The following DUSP12 variants were observed in gnomAD, a reference collection of about 807,000 sequenced individuals.
DUSP12 encodes the protein dual specificity phosphatase 12.
DUSP12 carries 25 observed loss-of-function variants against 38.9 expected under a neutral mutation model. The observed-to-expected ratio is 0.64, with a 90% CI of 0.47 to 0.90. DUSP12 has a LOEUF of 0.90. Among genes scored for constraint, DUSP12 ranks in the 40% least tolerant of loss-of-function variants. DUSP12 has a pLI of 0.00. For synonymous variants in DUSP12, 153 were observed against 153.9 expected (o/e 0.99, Z 0.05); for missense variants, 403 against 427.0 (o/e 0.94, Z 0.50).
At chr1:161,752,514 A>C in intron 4 of DUSP12, 50 bp downstream of exon 4, 1 of 1,224,370 alleles carries the variant, frequency 8.2e-7, no homozygotes, top group Non-Finnish European at 1.2e-6. Flanking sequence ...CAGTAGCTGA[A>C]AAGTACTTAA....
chr1:161,753,251 T>C lies in DUSP12; in HGVS notation c.851T>C (p.Met284Thr). ...QWMESALLGV[M>T]DGQLLCPKCS... ...ATGGAATCTGCTTTGTTGGGAGTGA[T>C]GGATGGACAGGTGAGAACACATTTT... The change falls in exon 5 of 6, where the codon ATG becomes ACG. Residue 284 changes from methionine (M) to threonine (T), a missense_variant. Transcript: ENST00000367943. 1 of 1,599,396 alleles carries C rather than the reference T, an allele frequency of 6.3e-7. No homozygotes were observed. Among genetic ancestry groups the C allele is most frequent in the South Asian group, 1.1e-5 (1 of 88,634 alleles).
At chr1:161,750,738 T>C (rs1164914733) in intron 1 of DUSP12, among the ~76,000 whole-genome samples, 2 of 151,978 alleles carry the variant, frequency 1.3e-5, no homozygotes, top group East Asian at 3.9e-4. Context: ...GAGTTCGAGA[T>C]CAGGCTGGCT....
At chr1:161,753,970 G>A (rs1684070699) in intron 5 of DUSP12, among the ~76,000 whole-genome samples, 1 of 151,904 alleles carries the variant, frequency 6.6e-6, no homozygotes, top group Admixed American at 6.6e-5. Context: ...CAGTGGGTAG[G>A]GAAATAAAAA....
intron 5 of DUSP12, among the ~76,000 whole-genome samples, chr1:161,756,294 C>T (rs1373458569): frequency 6.6e-6 from 1 of 151,832 alleles, no homozygotes; most frequent in African/African-American, 2.4e-5. Context: ...AATGCAGTTG[C>T]CTTATTAGGC....
At chr1:161,750,174 C>G in intron 1 of DUSP12, 29 bp downstream of exon 1, 1 of 1,581,490 alleles carries the variant, frequency 6.3e-7, no homozygotes, top group Non-Finnish European at 8.6e-7. Flanking sequence ...GGGTGACGTG[C>G]CCCGCCAAGC....
Position 161,750,047 on chromosome 1 carries a change from G to A in DUSP12, c.246G>A (p.Ala82=), listed in dbSNP as rs752961173. The A allele has an allele frequency of 2.4e-5, 38 of 1,614,002 alleles. No homozygotes were observed. The South Asian group carries it at 3.7e-4, about 16-fold the overall frequency. ...VEDLWRLFVP[A]LDKPETDLLS... ...ATCTATGGCGCCTCTTCGTGCCAGC[G>A]CTGGACAAACCCGAGACGGACCTAC... The change falls in exon 1 of 6, where the codon GCG becomes GCA. Residue 82 remains alanine (A), a synonymous_variant. Transcript: ENST00000367943.
At chr1:161,750,230 G>A in intron 1 of DUSP12, 85 bp downstream of exon 1, 1 of 1,444,884 alleles carries the variant, frequency 6.9e-7, no homozygotes, top group Non-Finnish European at 9.4e-7. Context: ...GCCGTCGGGA[G>A]GACAAGAGCG....
chr1:161,752,421 CA>C lies in DUSP12; in HGVS notation c.633del (p.Gly212AspfsTer2). ...LFAVDPTTVSQGLKDEVLYKC... is the reference protein window; with the variant it reads ...LFAVDPTTVSXGLKDEVLYKC... Reference sequence around the variant, plus strand: ...TGCTGTTGACCCAACTACCGTTTCACAAGGATTGAAAGATGAGGTTCTCTAC... The same window carrying C: ...TGCTGTTGACCCAACTACCGTTTCACAGGATTGAAAGATGAGGTTCTCTAC... On this transcript the variant is annotated frameshift_variant, in exon 4 of 6. Transcript: ENST00000367943. LOFTEE classifies it high-confidence loss of function. 6.2e-7 allele frequency: 1 copy of C among 1,612,984 alleles called. No homozygotes were observed. The highest frequency in any genetic ancestry group is 8.5e-7 in the Non-Finnish European group (1 of 1,179,244).
chr1:161,752,183 A>G (rs1684032731), intron 3 of DUSP12, among the ~76,000 whole-genome samples, 185 bp from the exon 4 acceptor site: 1 of 152,194 alleles, frequency 6.6e-6, no homozygotes, highest in Non-Finnish European at 1.5e-5. Context: ...CCGTGCCCAG[A>G]ACCTAAGCAC....
In DUSP12 at chr1:161,753,214, C is replaced by A. The variant is rs1425589471; in HGVS notation, c.814C>A (p.Pro272Thr). The change falls in exon 5 of 6, where the codon CCT becomes ACT. Residue 272 changes from proline (P) to threonine (T), a missense_variant. Coordinates refer to ENST00000367943, the MANE Select transcript of DUSP12 (RefSeq NM_007240.3). The part of the protein sequence containing the change: ...QAQCTSYFIE[P>T]VQWMESALLG... ...TCAATGTACATCTTATTTCATTGAA[C>A]CTGTACAGTGGATGGAATCTGCTTT... The A allele has an allele frequency of 6.2e-7, 1 of 1,612,924 alleles. No homozygotes were observed. The highest frequency in any genetic ancestry group is 8.5e-7 in the Non-Finnish European group (1 of 1,179,450).
At chr1:161,754,719 C>G (rs528711918) in intron 5 of DUSP12, among the ~76,000 whole-genome samples, 12 of 152,282 alleles carry the variant, frequency 7.9e-5, no homozygotes, top group Admixed American at 2.0e-4. Context: ...GTATCTGCCT[C>G]CATGATCCAA....
intron 5 of DUSP12, among the ~76,000 whole-genome samples, chr1:161,754,949 G>T (rs552303381): frequency 7.2e-5 from 11 of 152,058 alleles, no homozygotes; most frequent in Non-Finnish European, 1.6e-4. Flanking sequence ...TCCTGCTTCA[G>T]CCTCCTGAGT....
At chr1:161,751,612 G>T (rs779768949) in intron 1 of DUSP12, 56 bp from the exon 2 acceptor site, 43 of 1,214,254 alleles carry the variant, frequency 3.5e-5, no homozygotes, top group African/African-American at 6.3e-5. Flanking sequence ...GGCTTTGTGT[G>T]TTTTTTTTTT....
chr1:161,751,052 T>G (rs1684011564), intron 1 of DUSP12: 1 of 152,248 alleles, frequency 6.6e-6, no homozygotes, highest in Non-Finnish European at 1.5e-5. Context: ...TGGGACCAGA[T>G]TTTGAGGTCC....
rs188951859 is a variant in DUSP12, at chr1:161,749,815, C to T, written c.14C>T (p.Pro5Leu). Residue 5 changes from proline (P) to leucine (L), a missense_variant, in exon 1 of 6, where the codon CCG becomes CTG. By Grantham distance (98) the Pro-to-Leu change is moderately conservative. Transcript: ENST00000367943. ...CTGGGCGCGGCCATGTTGGAGGCTCCGGGCCCGAGTGATGGCTGCGAGCTC... is the reference window on the plus strand; with the variant it reads ...CTGGGCGCGGCCATGTTGGAGGCTCTGGGCCCGAGTGATGGCTGCGAGCTC... MLEA[P>L]GPSDGCELSN... 1.1e-5 allele frequency: 18 copies of T among 1,579,444 alleles called. No individual in the cohort carries two copies. Among genetic ancestry groups the T allele is most frequent in the Admixed American group, 9.1e-5 (5 of 55,124 alleles).
At chr1:161,751,516 G>T in intron 1 of DUSP12, 152 bp from the exon 2 acceptor site, 4 of 874,202 alleles carry the variant, frequency 4.6e-6, no homozygotes, top group Non-Finnish European at 6.8e-6. Flanking sequence ...TAATTATTTT[G>T]TACCTTGATA....
rs1684039146 is a variant in DUSP12 at position 161,752,363 on chromosome 1, T to C, written c.578-5T>C. Reference sequence around the variant, plus strand: ...AAATAAATACATTTTAATTATGTCATATAGAATTGCAGAATTTACCTCAAG... The same window carrying C: ...AAATAAATACATTTTAATTATGTCACATAGAATTGCAGAATTTACCTCAAG... On this transcript the variant is annotated splice_polypyrimidine_tract_variant and splice_region_variant and intron_variant, in intron 3 of 5. Transcript: ENST00000367943. 1 of 1,588,062 alleles carries C rather than the reference T, an allele frequency of 6.3e-7. No individual in the cohort carries two copies. Among genetic ancestry groups the C allele is most frequent in the South Asian group, 1.1e-5 (1 of 89,772 alleles).
chr1:161,754,448 G>T (rs886402944), intron 5 of DUSP12, among the ~76,000 whole-genome samples: 1 of 152,058 alleles, frequency 6.6e-6, no homozygotes, highest in Non-Finnish European at 1.5e-5. Context: ...TGCAACCATC[G>T]TGTATTAGTC....
At chr1:161,754,173 C>A (rs1684073700) in intron 5 of DUSP12, among the ~76,000 whole-genome samples, 1 of 151,854 alleles carries the variant, frequency 6.6e-6, no homozygotes, top group Admixed American at 6.6e-5. Context: ...TTTATGAAAC[C>A]CTTTCACTGT....
Sources: gnomAD v4.1 joint callset for allele counts (sites outside exome capture counted in the v4.1 genomes callset) on GRCh38, gnomAD v4.1.1 for gene constraint, MANE v1.5 for transcripts, NCBI Gene and HGNC (gene_info 2026-07-23, HGNC 2026-07-21) for gene names.